Variants in TUSC3 observed in about 807,000 individuals in gnomAD.
The protein encoded by TUSC3 is dolichyl-diphosphooligosaccharide--protein glycosyltransferase subunit TUSC3.
TUSC3 carries 45 observed loss-of-function variants against 44.8 expected under a neutral mutation model. The ratio of observed to expected loss-of-function variants is 1.00; its 90% confidence interval spans 0.79 to 1.29. The LOEUF (loss-of-function observed/expected upper bound fraction) is 1.29. Among genes scored for constraint, TUSC3 ranks in the 50% most tolerant of loss-of-function variants. The pLI is 0.00. For missense variants in TUSC3, 519 were observed against 437.9 expected (o/e 1.19, Z -1.65); for synonymous variants, 212 against 152.9 (o/e 1.39, Z -2.85).
chr8:15,835,649 T>C, the TUSC3 span, among the ~76,000 whole-genome samples: 2 of 152,200 alleles, frequency 1.3e-5, no homozygotes, highest in African/African-American at 4.8e-5. Flanking sequence ...TTTATGGAAT[T>C]TTTTGTACCT....
At chr8:15,534,606 G>A (rs1343560009) in intron 2 of TUSC3, among the ~76,000 whole-genome samples, 2 of 147,768 alleles carry the variant, frequency 1.4e-5, no homozygotes, top group African/African-American at 2.5e-5. Flanking sequence ...TCGCGCCACT[G>A]CACTCCAGCC....
the TUSC3 span, among the ~76,000 whole-genome samples, chr8:15,840,481 G>A: frequency 8.5e-5 from 13 of 152,090 alleles, no homozygotes; most frequent in African/African-American, 3.1e-4. Flanking sequence ...CTAACTCCAA[G>A]TCTAGGAGTA....
chr8:15,461,616 C>G (rs1800346401), intron 1 of TUSC3, among the ~76,000 whole-genome samples: 1 of 151,736 alleles, frequency 6.6e-6, no homozygotes, highest in South Asian at 2.1e-4. Context: ...TTTTCCAGTC[C>G]TCAGAGGGAA....
chr8:15,820,464 T>G, the TUSC3 span, among the ~76,000 whole-genome samples: 1 of 151,962 alleles, frequency 6.6e-6, no homozygotes, highest in East Asian at 1.9e-4. Context: ...GAACTACAGG[T>G]GCACACCACC....
intron 6 of TUSC3, among the ~76,000 whole-genome samples, chr8:15,716,233 G>C (rs1282475448): frequency 6.6e-6 from 1 of 152,134 alleles, no homozygotes; most frequent in African/African-American, 2.4e-5. Context: ...TCCAGCCTGG[G>C]CGACAGAGTG....
At chr8:15,671,100 G>A (rs185064302) in intron 5 of TUSC3, among the ~76,000 whole-genome samples, 5 of 151,922 alleles carry the variant, frequency 3.3e-5, no homozygotes, top group African/African-American at 9.6e-5. Flanking sequence ...TATAAATTTT[G>A]TTCAACCTCC....
intron 1 of TUSC3, among the ~76,000 whole-genome samples, chr8:15,597,753 G>C (rs1321917176): frequency 6.6e-6 from 1 of 151,988 alleles, no homozygotes; most frequent in Non-Finnish European, 1.5e-5. Context: ...ACATATACTT[G>C]AAAGCATATG....
chr8:15,664,433 C>A (rs1807564091), intron 5 of TUSC3, among the ~76,000 whole-genome samples: 1 of 132,794 alleles, frequency 7.5e-6, no homozygotes. Flanking sequence ...CTATGTTATA[C>A]AGATTTATTA....
intron 1 of TUSC3, among the ~76,000 whole-genome samples, chr8:15,563,175 A>G (rs1196627283): frequency 2.0e-5 from 3 of 152,196 alleles, no homozygotes; most frequent in East Asian, 1.9e-4. Context: ...ACATTTACCA[A>G]TGACTATAAA....
chr8:15,603,146 A>C (rs1005505907), intron 1 of TUSC3, among the ~76,000 whole-genome samples: 1 of 151,696 alleles, frequency 6.6e-6, no homozygotes, highest in African/African-American at 2.4e-5. Flanking sequence ...ATACATGACT[A>C]GTTAATTACC....
intron 2 of TUSC3, among the ~76,000 whole-genome samples, chr8:15,505,716 G>A (rs942011244): frequency 6.6e-6 from 1 of 152,152 alleles, no homozygotes; most frequent in African/African-American, 2.4e-5. Context: ...CAGGCAGAAT[G>A]GGAGCACTAC....
intron 1 of TUSC3, among the ~76,000 whole-genome samples, chr8:15,548,035 C>T (rs1210186692): frequency 6.6e-6 from 1 of 151,078 alleles, no homozygotes; most frequent in Non-Finnish European, 1.5e-5. Context: ...GCAATGTGAG[C>T]AATCTGCAGT....
chr8:15,516,682 A>C (rs17121568), intron 2 of TUSC3, among the ~76,000 whole-genome samples: 5,081 of 152,228 alleles, frequency 0.033, 276 homozygotes, highest in African/African-American at 0.11. Context: ...AAAATCTTTC[A>C]CTTTTGGCAG....
intron 2 of TUSC3, among the ~76,000 whole-genome samples, chr8:15,487,858 T>A (rs1024413242): frequency 2.0e-5 from 3 of 152,094 alleles, no homozygotes; most frequent in Admixed American, 2.0e-4. Flanking sequence ...TATTATCTCG[T>A]TTTACTTTAG....
rs895727528 is a variant in TUSC3 at position 15,753,410 on chromosome 8, G to A, written c.1029-4381G>A. The stretch of plus-strand genomic sequence containing the variant: ...TAACCCTTCTTGTGATCATTCATAC[G>A]TGAATTATTTTGCTCTCTCAGGTTT... On this transcript the variant is annotated intron_variant, in intron 9 of 10. Coordinates refer to ENST00000503731, the MANE Select transcript of TUSC3 (RefSeq NM_006765.4). Among the ~76,000 whole-genome samples the A allele has an allele frequency of 3.9e-5, 6 of 152,048 alleles. No homozygotes were observed. In the East Asian group the frequency reaches 7.7e-4, roughly 20 times the overall value.
the TUSC3 span, among the ~76,000 whole-genome samples, chr8:15,784,729 G>A: frequency 6.6e-6 from 1 of 152,144 alleles, no homozygotes; most frequent in South Asian, 2.1e-4. Context: ...CATCGAAGCA[G>A]AGAATGGAAT....
intron 1 of TUSC3, among the ~76,000 whole-genome samples, chr8:15,452,126 G>A (rs1228484474): frequency 6.6e-6 from 1 of 152,142 alleles, no homozygotes; most frequent in African/African-American, 2.4e-5. Flanking sequence ...TGTTTTACAT[G>A]ACGTTAACCG....
At chr8:15,553,187 G>A (rs1802116961) in intron 1 of TUSC3, among the ~76,000 whole-genome samples, 1 of 151,720 alleles carries the variant, frequency 6.6e-6, no homozygotes, top group African/African-American at 2.4e-5. Context: ...CAGAATATAT[G>A]GAAATGAAGC....
At chr8:15,460,140 T>C (rs1240465998) in intron 1 of TUSC3, among the ~76,000 whole-genome samples, 2 of 152,160 alleles carry the variant, frequency 1.3e-5, no homozygotes, top group African/African-American at 4.8e-5. Context: ...CTGTACTAGT[T>C]TACATTCCCA....
Sources: allele counts gnomAD v4.1 joint callset (sites outside exome capture counted in the v4.1 genomes callset), GRCh38; gene constraint gnomAD v4.1.1; transcripts MANE v1.5; gene names NCBI Gene and HGNC (gene_info 2026-07-23, HGNC 2026-07-21).